NIPBL: variants seen among roughly 807,000 people sequenced by gnomAD.
The protein encoded by NIPBL is nipped-B-like protein.
Under a neutral mutation model 321.8 loss-of-function variants are expected in NIPBL, and 19 were observed. The ratio of observed to expected loss-of-function variants is 0.06; its 90% CI spans 0.04 to 0.09. NIPBL has a LOEUF of 0.09. Ranked by LOEUF, NIPBL falls within the 10% of genes least tolerant of loss-of-function variation. The probability of loss-of-function intolerance (pLI) is 1.00; values close to 1 mark genes in which losing one functional copy is unlikely to be tolerated. For missense variants in NIPBL, 2,210 were observed against 3,327.0 expected (o/e 0.66, Z 8.26); for synonymous variants, 1,106 against 1,114.1 (o/e 0.99, Z 0.14).
intron 34 of NIPBL, among the ~76,000 whole-genome samples, chr5:37,039,692 C>A (rs143309281): frequency 1.3e-5 from 2 of 152,192 alleles, no homozygotes; most frequent in East Asian, 3.9e-4. Context: ...CTAATTTTAA[C>A]TGTTTCTCTG....
chr5:37,015,217 A>G (rs935784032), intron 22 of NIPBL, among the ~76,000 whole-genome samples: 1 of 151,766 alleles, frequency 6.6e-6, no homozygotes, highest in African/African-American at 2.4e-5. Flanking sequence ...TCCGCCTCCC[A>G]GCTTCAAGCG....
At chr5:37,045,230 T>TTG (rs537922689) in intron 36 of NIPBL, among the ~76,000 whole-genome samples, 309 of 152,138 alleles carry the variant, frequency 2.0e-3, no homozygotes, top group Non-Finnish European at 2.2e-3. Flanking sequence ...GGCACACGAC[T>TTG]GTAATCCCAG....
At chr5:36,925,984 C>T (rs553219815) in intron 1 of NIPBL, among the ~76,000 whole-genome samples, 13 of 152,166 alleles carry the variant, frequency 8.5e-5, no homozygotes, top group African/African-American at 1.4e-4. Flanking sequence ...TTCTCATTTT[C>T]GTACCCATTC....
At chr5:37,041,870 AT>A (rs70976272) in intron 34 of NIPBL, among the ~76,000 whole-genome samples, 17,409 of 145,314 alleles carry the variant, frequency 0.12, 1,053 homozygotes, top group Admixed American at 0.19. Flanking sequence ...CAGCCACTAC[AT>A]TTTTTTTTTT....
intron 42 of NIPBL, among the ~76,000 whole-genome samples, chr5:37,053,333 G>A (rs897208713): frequency 8.4e-6 from 1 of 118,928 alleles, no homozygotes; most frequent in African/African-American, 3.0e-5. Flanking sequence ...GTAAAAATAT[G>A]ATAGGATAAT....
chr5:37,027,454 G>A, intron 32 of NIPBL, 42 bp downstream of exon 32: 1 of 1,478,374 alleles, frequency 6.8e-7, no homozygotes, highest in Non-Finnish European at 9.4e-7. Context: ...AATTTAATAG[G>A]TTAGTTTTTT....
chr5:37,062,753 C>G (rs962814976), intron 45 of NIPBL, among the ~76,000 whole-genome samples: 2 of 152,094 alleles, frequency 1.3e-5, no homozygotes, highest in Non-Finnish European at 2.9e-5. Context: ...GACCCTGTCT[C>G]TACAAAAAAT....
At chr5:36,941,877 T>G (rs1004399763) in intron 1 of NIPBL, among the ~76,000 whole-genome samples, 2 of 152,158 alleles carry the variant, frequency 1.3e-5, no homozygotes, top group African/African-American at 2.4e-5. Flanking sequence ...ACTTACATGT[T>G]ATGATTAGTT....
chr5:36,891,766 T>G (rs756595078), intron 1 of NIPBL, among the ~76,000 whole-genome samples: 5 of 152,044 alleles, frequency 3.3e-5, no homozygotes, highest in Non-Finnish European at 5.9e-5. Context: ...TTTTGGATAG[T>G]AGGCAGGAAA....
chr5:36,905,538 C>A (rs1240883609), intron 1 of NIPBL, among the ~76,000 whole-genome samples: 2 of 152,152 alleles, frequency 1.3e-5, no homozygotes, highest in African/African-American at 4.8e-5. Context: ...CTGAACCAAT[C>A]TTAATGAGGA....
At chr5:36,998,410 T>C (rs917065973) in intron 11 of NIPBL, among the ~76,000 whole-genome samples, 1 of 152,094 alleles carries the variant, frequency 6.6e-6, no homozygotes, top group Non-Finnish European at 1.5e-5. Flanking sequence ...TACAAACCAC[T>C]ATAAGATTCT....
Position 36,877,066 on chromosome 5 carries a change from C to T in NIPBL, c.-192C>T, listed in dbSNP as rs1244491281. 2 of 353,496 alleles carry T rather than the reference C, an allele frequency of 5.7e-6. No homozygotes were observed. Among genetic ancestry groups the T allele is most frequent in the African/African-American group, 2.1e-5 (1 of 46,780 alleles). 21.9% of individuals were successfully genotyped at this position (353,496 alleles called of 1,614,324 possible). ...TCTCCCCCCGGCTCTACATGTTCCCCGCACTGAGGAGACGGAAGAGGAGCC... is the reference window on the plus strand; with the variant it reads ...TCTCCCCCCGGCTCTACATGTTCCCTGCACTGAGGAGACGGAAGAGGAGCC... On this transcript the variant is annotated 5_prime_UTR_variant, in exon 1 of 47. Transcript: ENST00000282516.
At chr5:36,957,237 T>A (rs1234437653) in intron 3 of NIPBL, among the ~76,000 whole-genome samples, 1 of 152,198 alleles carries the variant, frequency 6.6e-6, no homozygotes, top group East Asian at 1.9e-4. Flanking sequence ...ATTGCTGCTG[T>A]GAAGTGTATT....
chr5:37,010,162 G>A lies in NIPBL; in HGVS notation c.4497G>A (p.Gln1499=). 6.2e-7 allele frequency: 1 copy of A among 1,610,712 alleles called. No individual in the cohort carries two copies. The highest frequency in any genetic ancestry group is 8.5e-7 in the Non-Finnish European group (1 of 1,177,058). ...CAGCACTGGTTTTACAACTTATTCA[G>A]TGTGTGGTACACTTACCATCATCAG... The part of the protein sequence containing the change: ...MVTALVLQLI[Q]CVVHLPSSEK... The change falls in exon 21 of 47, where the codon CAG becomes CAA. Residue 1499 remains glutamine (Q), a synonymous_variant. Coordinates refer to ENST00000282516, the MANE Select transcript of NIPBL (RefSeq NM_133433.4).
At chr5:36,945,652 AT>A (rs1000448242) in intron 1 of NIPBL, among the ~76,000 whole-genome samples, 1 of 152,190 alleles carries the variant, frequency 6.6e-6, no homozygotes, top group Non-Finnish European at 1.5e-5. Flanking sequence ...ACTTTGCTTT[AT>A]TTTGCATTTT....
chr5:36,911,403 C>G (rs868459151), intron 1 of NIPBL, among the ~76,000 whole-genome samples: 4 of 152,198 alleles, frequency 2.6e-5, no homozygotes, highest in Admixed American at 2.0e-4. Context: ...ATGCCCAAAT[C>G]TTTCATACTC....
At chr5:37,042,285 A>G (rs1415093748) in intron 34 of NIPBL, among the ~76,000 whole-genome samples, 1 of 151,282 alleles carries the variant, frequency 6.6e-6, no homozygotes, top group Non-Finnish European at 1.5e-5. Context: ...AAATACAAAA[A>G]TTAGCCAAGC....
intron 7 of NIPBL, among the ~76,000 whole-genome samples, chr5:36,971,452 G>A (rs1182879991): frequency 1.3e-5 from 2 of 151,616 alleles, no homozygotes; most frequent in African/African-American, 2.4e-5. Context: ...TAATGAGCCT[G>A]TATTTATTAG....
chr5:36,991,148 A>G (rs191625892), intron 10 of NIPBL, among the ~76,000 whole-genome samples: 12 of 152,194 alleles, frequency 7.9e-5, no homozygotes, highest in Admixed American at 7.8e-4. Context: ...TCTGGCTGTA[A>G]TGTATCAATT....
Sources: gnomAD v4.1 joint callset for allele counts (sites outside exome capture counted in the v4.1 genomes callset) on GRCh38, gnomAD v4.1.1 for gene constraint, MANE v1.5 for transcripts, NCBI Gene and HGNC (gene_info 2026-07-23, HGNC 2026-07-21) for gene names.